Variants in MDFIC observed in about 807,000 individuals in gnomAD.
The protein encoded by MDFIC is MyoD family inhibitor domain containing.
MDFIC carries 17 observed loss-of-function variants against 23.2 expected under a neutral mutation model. The observed-to-expected ratio is 0.73, with a 90% CI of 0.50 to 1.10. The LOEUF (loss-of-function observed/expected upper bound fraction) is 1.10, where lower values mean the gene tolerates loss of function less well. Ranked by LOEUF, MDFIC falls within the 50% of genes least tolerant of loss-of-function variation. The pLI, the probability that MDFIC is intolerant of heterozygous loss-of-function variation, is 0.00. For missense variants in MDFIC, 356 were observed against 316.6 expected, an observed-to-expected ratio of 1.12 and a Z score of -0.95; for synonymous variants, 120 against 115.2, an observed-to-expected ratio of 1.04 and a Z score of -0.27.
chr7:114,986,622 C>T (rs181914819), intron 4 of MDFIC, among the ~76,000 whole-genome samples: 1 of 152,304 alleles, frequency 6.6e-6, no homozygotes, highest in East Asian at 1.9e-4. Context: ...TACACATGGT[C>T]AGGTGAAACA....
chr7:114,926,429 A>G (rs1002156818), intron 2 of MDFIC, among the ~76,000 whole-genome samples: 2 of 152,198 alleles, frequency 1.3e-5, no homozygotes, highest in Non-Finnish European at 2.9e-5. Context: ...CAACTTTTTT[A>G]TAGGGCTGGA....
At chr7:115,004,758 TG>T (rs1791535324) in intron 4 of MDFIC, among the ~76,000 whole-genome samples, 1 of 152,316 alleles carries the variant, frequency 6.6e-6, no homozygotes, top group Non-Finnish European at 1.5e-5. Context: ...ATGCACTCAC[TG>T]CTCTCAGAGA....
At chr7:114,931,804 G>GT (rs1415640062) in intron 2 of MDFIC, among the ~76,000 whole-genome samples, 1 of 152,250 alleles carries the variant, frequency 6.6e-6, no homozygotes, top group East Asian at 1.9e-4. Flanking sequence ...CGTTTGTAGG[G>GT]TTTTTTGGTG....
At position 114,922,578 on chromosome 7, in the gene MDFIC, G is replaced by A. The variant is rs757737344; in HGVS notation, c.-166G>A. On this transcript the variant is annotated 5_prime_UTR_variant, in exon 1 of 5. Coordinates refer to ENST00000393486, the MANE Select transcript of MDFIC (RefSeq NM_001166345.3). ...GCCGGAGGCTCGCTAACTTTCCGGGGCGGAAGAGGAGGAGGAGGAGGAGGA... is the reference window on the plus strand; with the variant it reads ...GCCGGAGGCTCGCTAACTTTCCGGGACGGAAGAGGAGGAGGAGGAGGAGGA... The A allele has an allele frequency of 2.1e-5, 27 of 1,269,620 alleles. No individual in the cohort carries two copies. In the African/African-American group the frequency reaches 3.2e-4, roughly 15 times the overall value. The allele number at this position is 1,269,620 out of a possible 1,614,324, so 78.6% of individuals were successfully genotyped here.
At chr7:114,976,631 A>G (rs1793321308) in intron 3 of MDFIC, among the ~76,000 whole-genome samples, 2 of 152,148 alleles carry the variant, frequency 1.3e-5, no homozygotes, top group South Asian at 2.1e-4. Context: ...AAAAACGGTA[A>G]CAGGATGTTC....
chr7:115,014,171 C>A (rs531839817), intron 4 of MDFIC: 1 of 985,320 alleles, frequency 1.0e-6, no homozygotes, highest in South Asian at 4.7e-5. Context: ...CCTCTGAATT[C>A]TCTACAAAGT....
intron 4 of MDFIC, chr7:115,014,232 A>T: frequency 1.0e-6 from 1 of 985,354 alleles, no homozygotes; most frequent in Non-Finnish European, 1.2e-6. Context: ...GGAGTTTAGG[A>T]TGGGATGCTT....
At chr7:114,970,395 TA>T (rs1218911347) in intron 3 of MDFIC, among the ~76,000 whole-genome samples, 1 of 152,236 alleles carries the variant, frequency 6.6e-6, no homozygotes, top group African/African-American at 2.4e-5. Context: ...TTATCTATCT[TA>T]TTTTTTTGTA....
At chr7:114,968,572 G>A (rs1353071969) in intron 3 of MDFIC, among the ~76,000 whole-genome samples, 1 of 152,178 alleles carries the variant, frequency 6.6e-6, no homozygotes, top group Non-Finnish European at 1.5e-5. Context: ...GGTTGGACAA[G>A]ATAATTAGCA....
intron 3 of MDFIC, among the ~76,000 whole-genome samples, chr7:114,963,284 A>T (rs1213272406): frequency 6.6e-6 from 1 of 152,206 alleles, no homozygotes; most frequent in African/African-American, 2.4e-5. Flanking sequence ...TAATGTTTAT[A>T]ATTTGAATTA....
At chr7:114,961,403 C>T (rs189713894) in intron 3 of MDFIC, among the ~76,000 whole-genome samples, 10 of 152,228 alleles carry the variant, frequency 6.6e-5, no homozygotes, top group Admixed American at 3.3e-4. Context: ...CTCCTGACAC[C>T]AGGCTGAAAG....
intron 4 of MDFIC, among the ~76,000 whole-genome samples, chr7:115,004,076 C>T (rs1791518720): frequency 6.6e-6 from 1 of 152,142 alleles, no homozygotes; most frequent in African/African-American, 2.4e-5. Context: ...TATGGAAACA[C>T]TATATATACT....
chr7:114,998,515 G>A (rs1432521813), intron 4 of MDFIC, among the ~76,000 whole-genome samples: 1 of 152,054 alleles, frequency 6.6e-6, no homozygotes, highest in Non-Finnish European at 1.5e-5. Context: ...ATGTCCAAAT[G>A]CCACATGATT....
At chr7:114,949,406 TA>T (rs1792715264) in intron 3 of MDFIC, among the ~76,000 whole-genome samples, 1 of 152,140 alleles carries the variant, frequency 6.6e-6, no homozygotes, top group East Asian at 1.9e-4. Flanking sequence ...ACTGAAGAAA[TA>T]AATAACATTT....
At position 114,979,590 on chromosome 7, in the gene MDFIC, C is replaced by G. The variant is rs1266265224; in HGVS notation, c.302C>G (p.Thr101Arg). 4.3e-6 allele frequency: 7 copies of G among 1,614,084 alleles called. No homozygotes were observed. The highest frequency in any genetic ancestry group is 5.1e-6 in the Non-Finnish European group (6 of 1,179,984). The change falls in exon 4 of 5, where the codon ACA (threonine) becomes AGA (arginine). Residue 101 changes from threonine to arginine, a missense_variant. Coordinates refer to ENST00000393486, the MANE Select transcript of MDFIC (RefSeq NM_001166345.3). ...EEIGKIKNGH[T>R]GLSNGNGIHH... The stretch of plus-strand genomic sequence containing the variant: ...ATAGGCAAGATAAAGAACGGCCACA[C>G]AGGTCTGAGCAATGGAAATGGAATT...
intron 3 of MDFIC, among the ~76,000 whole-genome samples, chr7:114,951,660 G>GT (rs142612845): frequency 0.049 from 7,346 of 150,700 alleles, 515 homozygotes; most frequent in African/African-American, 0.16. Context: ...TCTTTTCTGT[G>GT]TTTTTTTTTC....
chr7:114,989,015 C>A (rs1222400067), intron 4 of MDFIC, among the ~76,000 whole-genome samples: 1 of 152,102 alleles, frequency 6.6e-6, no homozygotes, highest in East Asian at 1.9e-4. Flanking sequence ...AAGGAAAGTT[C>A]AGATTTTTCT....
chr7:114,991,317 G>T (rs944593723), intron 4 of MDFIC, among the ~76,000 whole-genome samples: 21 of 152,026 alleles, frequency 1.4e-4, no homozygotes, highest in Admixed American at 2.0e-4. Context: ...CACTCTGATG[G>T]TAGTTTCTTT....
intron 2 of MDFIC, among the ~76,000 whole-genome samples, chr7:114,933,575 G>A (rs1792369501): frequency 6.6e-6 from 1 of 152,098 alleles, no homozygotes; most frequent in African/African-American, 2.4e-5. Context: ...TTTTTATAAT[G>A]GAGTTAATAG....
Sources: allele counts gnomAD v4.1 joint callset (sites outside exome capture counted in the v4.1 genomes callset), GRCh38; gene constraint gnomAD v4.1.1; transcripts MANE v1.5; gene names NCBI Gene and HGNC (gene_info 2026-07-23, HGNC 2026-07-21).